Variants in PCDH9 observed in about 807,000 individuals in gnomAD.
PCDH9 encodes the protein protocadherin 9, also known as protocadherin-9.
PCDH9 carries 24 observed loss-of-function variants against 70.6 expected under a neutral mutation model. The observed-to-expected ratio is 0.34, with a 90% confidence interval of 0.25 to 0.48. The LOEUF is 0.48. PCDH9 is among the 20% of genes least tolerant of loss of function. The probability of loss-of-function intolerance (pLI) is 0.99; values close to 1 mark genes in which losing one functional copy is unlikely to be tolerated. For synonymous variants in PCDH9, 562 were observed against 558.5 expected, an observed-to-expected ratio of 1.01 and a Z score of -0.09; for missense variants, 1,281 against 1,503.6, an observed-to-expected ratio of 0.85 and a Z score of 2.45.
chr13:67,137,220 G>A (rs2087255346), intron 2 of PCDH9, among the ~76,000 whole-genome samples: 1 of 152,052 alleles, frequency 6.6e-6, no homozygotes, highest in Non-Finnish European at 1.5e-5. Flanking sequence ...ATTTTGTTCG[G>A]TAAATATTTT....
At chr13:66,621,403 T>A (rs998343275) in intron 4 of PCDH9, among the ~76,000 whole-genome samples, 1 of 152,164 alleles carries the variant, frequency 6.6e-6, no homozygotes, top group African/African-American at 2.4e-5. Context: ...GCATGGAGAA[T>A]AGAAAAGTGA....
At chr13:66,631,120 A>T in intron 4 of PCDH9, 90 bp downstream of exon 4, 1 of 687,950 alleles carries the variant, frequency 1.5e-6, no homozygotes, top group South Asian at 1.7e-5. Flanking sequence ...CTAAATGTTC[A>T]TCCTTGCCCC....
chr13:66,811,919 A>ATT (rs1188798796), intron 3 of PCDH9, among the ~76,000 whole-genome samples: 3 of 151,898 alleles, frequency 2.0e-5, no homozygotes, highest in Non-Finnish European at 4.4e-5. Flanking sequence ...ATATTTTAAA[A>ATT]TTTTTATTTA....
chr13:66,533,385 T>A (rs1960555566), intron 4 of PCDH9, among the ~76,000 whole-genome samples: 1 of 152,082 alleles, frequency 6.6e-6, no homozygotes, highest in Admixed American at 6.6e-5. Flanking sequence ...ATGGTTGATT[T>A]TTTTTTAGTT....
chr13:66,854,871 G>C (rs1029701597), intron 3 of PCDH9, among the ~76,000 whole-genome samples: 1 of 152,034 alleles, frequency 6.6e-6, no homozygotes, highest in African/African-American at 2.4e-5. Context: ...TATAAAACAA[G>C]GGTCTGTATT....
intron 4 of PCDH9, among the ~76,000 whole-genome samples, chr13:66,586,509 G>A (rs1269899157): frequency 2.0e-5 from 3 of 152,128 alleles, no homozygotes; most frequent in African/African-American, 4.8e-5. Context: ...TGGTTGGGGC[G>A]CTCTTCCTCC....
intron 4 of PCDH9, among the ~76,000 whole-genome samples, chr13:66,339,444 G>A (rs893498031): frequency 1.8e-4 from 27 of 152,122 alleles, no homozygotes; most frequent in Admixed American, 1.6e-3. Flanking sequence ...AAGTTTTAGA[G>A]AGAACCACAT....
At chr13:67,001,457 G>A (rs2084242838) in intron 2 of PCDH9, among the ~76,000 whole-genome samples, 1 of 152,208 alleles carries the variant, frequency 6.6e-6, no homozygotes, top group South Asian at 2.1e-4. Flanking sequence ...TAGAAAACAA[G>A]GGTAGAGAGA....
intron 2 of PCDH9, among the ~76,000 whole-genome samples, chr13:67,142,309 G>A (rs2087412612): frequency 6.6e-6 from 1 of 152,050 alleles, no homozygotes. Context: ...ATCTTACATT[G>A]ATTCAGTATG....
At chr13:67,084,895 A>C (rs1263722158) in intron 2 of PCDH9, among the ~76,000 whole-genome samples, 1 of 133,426 alleles carries the variant, frequency 7.5e-6, no homozygotes, top group Admixed American at 8.1e-5. Flanking sequence ...TAAACCCGGA[A>C]GGTGGAGGTT....
At chr13:67,014,695 G>T (rs1450275471) in intron 2 of PCDH9, among the ~76,000 whole-genome samples, 2 of 152,070 alleles carry the variant, frequency 1.3e-5, no homozygotes, top group East Asian at 3.9e-4. Flanking sequence ...AGTTTCTTGG[G>T]AAGAAGTGGC....
At chr13:67,189,538 A>C (rs2088853400) in intron 2 of PCDH9, among the ~76,000 whole-genome samples, 2 of 152,066 alleles carry the variant, frequency 1.3e-5, no homozygotes, top group Non-Finnish European at 2.9e-5. Flanking sequence ...AGCATAGTAA[A>C]TATAGGCAAC....
intron 2 of PCDH9, among the ~76,000 whole-genome samples, chr13:67,119,096 G>C (rs994635123): frequency 6.6e-6 from 1 of 152,078 alleles, no homozygotes; most frequent in Non-Finnish European, 1.5e-5. Context: ...CAGCCAGGCC[G>C]TAATGGATGG....
At chr13:66,499,657 A>G (rs1313741594) in intron 4 of PCDH9, among the ~76,000 whole-genome samples, 1 of 152,228 alleles carries the variant, frequency 6.6e-6, no homozygotes, top group Non-Finnish European at 1.5e-5. Flanking sequence ...TGATGAAAAT[A>G]TGTTGTTTAT....
intron 2 of PCDH9, among the ~76,000 whole-genome samples, chr13:67,110,643 A>C (rs1317711423): frequency 6.6e-6 from 1 of 152,144 alleles, no homozygotes; most frequent in Non-Finnish European, 1.5e-5. Context: ...AGCATTATAC[A>C]CATAATATTT....
At chr13:66,730,440 A>T (rs1479792911) in intron 3 of PCDH9, among the ~76,000 whole-genome samples, 1 of 152,108 alleles carries the variant, frequency 6.6e-6, no homozygotes, top group African/African-American at 2.4e-5. Context: ...CAGTTTGCAT[A>T]TCTCAGCTCT....
chr13:67,028,054 C>T (rs1440761904), intron 2 of PCDH9, among the ~76,000 whole-genome samples: 1 of 150,982 alleles, frequency 6.6e-6, no homozygotes, highest in Non-Finnish European at 1.5e-5. Context: ...TTTGACCCAG[C>T]CATCCCATTA....
chr13:66,670,912 T>TAAAAA (rs35287889), intron 3 of PCDH9, among the ~76,000 whole-genome samples: 2 of 120,230 alleles, frequency 1.7e-5, no homozygotes, highest in Admixed American at 9.0e-5. Flanking sequence ...TGTTCTTATT[T>TAAAAA]AAAAAAAAAA....
At chr13:66,312,419 C>T (rs765172981) in intron 4 of PCDH9, among the ~76,000 whole-genome samples, 9 of 151,974 alleles carry the variant, frequency 5.9e-5, no homozygotes, top group Admixed American at 5.9e-4. Flanking sequence ...GAGAAAAGCA[C>T]GGACAACACG....
Sources: allele counts gnomAD v4.1 joint callset (sites outside exome capture counted in the v4.1 genomes callset), GRCh38; gene constraint gnomAD v4.1.1; transcripts MANE v1.5; gene names NCBI Gene and HGNC (gene_info 2026-07-23, HGNC 2026-07-21).